The following SORL1 variants were observed in gnomAD, a reference collection of about 807,000 sequenced individuals.
SORL1 encodes the protein sortilin-related receptor.
In SORL1, 127 loss-of-function variants were observed where a neutral mutation model predicts 273.7. The observed-to-expected ratio is 0.46, with a 90% confidence interval of 0.40 to 0.54. The LOEUF (loss-of-function observed/expected upper bound fraction) is 0.54, where lower values mean the gene tolerates loss of function less well. Ranked by LOEUF, SORL1 falls within the 20% of genes least tolerant of loss-of-function variation. The pLI is 0.00. For synonymous variants in SORL1, 1,031 were observed against 1,067.4 expected, an observed-to-expected ratio of 0.97 and a Z score of 0.66; for missense variants, 2,494 against 2,846.1, an observed-to-expected ratio of 0.88 and a Z score of 2.81.
At chr11:121,453,181 C>T (rs1860837856) in intron 1 of SORL1, among the ~76,000 whole-genome samples, 1 of 152,112 alleles carries the variant, frequency 6.6e-6, no homozygotes, top group Non-Finnish European at 1.5e-5. Context: ...AGATGCTCTC[C>T]ATTCCTTCTT....
intron 1 of SORL1, among the ~76,000 whole-genome samples, chr11:121,453,499 T>C (rs953227810): frequency 6.6e-6 from 1 of 151,886 alleles, no homozygotes; most frequent in African/African-American, 2.4e-5. Flanking sequence ...CAGTTAAGAT[T>C]GACATCAGCA....
intron 26 of SORL1, among the ~76,000 whole-genome samples, chr11:121,586,010 T>C (rs951367606): frequency 2.0e-5 from 3 of 152,238 alleles, no homozygotes; most frequent in Non-Finnish European, 2.9e-5. Flanking sequence ...TGTAAACTTT[T>C]ATTTACATTA....
In SORL1 at chr11:121,452,633, C is replaced by T; in HGVS notation, c.285+17C>T. On this transcript the variant is annotated intron_variant, in intron 1 of 47. Coordinates refer to ENST00000260197, the MANE Select transcript of SORL1 (RefSeq NM_003105.6). This position sits in a 1 kb window ranked among gnomAD's most constrained non-coding sequence, Gnocchi z 5.3. ...TACGGACAGGTGAGCAGTTTTGCAA[C>T]CCGCCTCCCTCCAGTTTTTTCCTCT... is the stretch of plus-strand genomic sequence containing the variant. 6.9e-7 allele frequency: 1 copy of T among 1,446,040 alleles called. No individual in the cohort carries two copies. Among genetic ancestry groups the T allele is most frequent in the Non-Finnish European group, 9.1e-7 (1 of 1,102,910 alleles). The allele number at this position is 1,446,040 out of a possible 1,614,324, so 89.6% of individuals were successfully genotyped here.
At chr11:121,619,501 G>A (rs954000563) in intron 42 of SORL1, among the ~76,000 whole-genome samples, 1 of 152,172 alleles carries the variant, frequency 6.6e-6, no homozygotes, top group African/African-American at 2.4e-5. Context: ...GCATATATGT[G>A]TAAGGATACA....
chr11:121,594,072 C>A (rs1190575672), intron 31 of SORL1, among the ~76,000 whole-genome samples: 1 of 150,822 alleles, frequency 6.6e-6, no homozygotes, highest in Non-Finnish European at 1.5e-5. Flanking sequence ...GTTCCACTGC[C>A]TTCAAGCAGC....
chr11:121,559,337 GGGGT>G (rs1469767268), intron 20 of SORL1, among the ~76,000 whole-genome samples, 178 bp from the exon 21 acceptor site: 3 of 152,134 alleles, frequency 2.0e-5, no homozygotes, highest in Admixed American at 1.3e-4. Context: ...TTTCTTCTGT[GGGGT>G]TATATGGTGA....
intron 45 of SORL1, among the ~76,000 whole-genome samples, chr11:121,624,868 T>G (rs1205820090): frequency 1.3e-5 from 2 of 151,510 alleles, no homozygotes; most frequent in East Asian, 1.9e-4. Context: ...TGTGGGGGGG[T>G]GGTGTGGCAG....
At chr11:121,598,617 T>G (rs906962395) in intron 32 of SORL1, among the ~76,000 whole-genome samples, 6 of 152,236 alleles carry the variant, frequency 3.9e-5, no homozygotes. Context: ...CCTGTTGCAA[T>G]GAGTCTTTGC....
intron 6 of SORL1, among the ~76,000 whole-genome samples, chr11:121,502,121 A>ATTTTTT (rs1242828050): frequency 1.2e-4 from 10 of 82,372 alleles, no homozygotes; most frequent in Non-Finnish European, 2.4e-4. Context: ...TCATGTGACA[A>ATTTTTT]TTCTTTTTTT....
intron 22 of SORL1, among the ~76,000 whole-genome samples, chr11:121,567,916 A>C (rs1303478811): frequency 6.7e-6 from 1 of 149,854 alleles, no homozygotes; most frequent in East Asian, 1.9e-4. Context: ...TTTTAAAGAG[A>C]CAAGAAAGAG....
intron 25 of SORL1, among the ~76,000 whole-genome samples, chr11:121,580,199 T>G (rs532601302): frequency 6.6e-6 from 1 of 152,374 alleles, no homozygotes; most frequent in East Asian, 1.9e-4. Flanking sequence ...AAGTTACAGC[T>G]ACTAACTCTT....
intron 11 of SORL1, among the ~76,000 whole-genome samples, chr11:121,531,720 G>A (rs1432109629): frequency 1.3e-5 from 2 of 152,170 alleles, no homozygotes; most frequent in Non-Finnish European, 2.9e-5. Flanking sequence ...TTTCATGCAC[G>A]TACACTTCAG....
chr11:121,628,534 C>A (rs1030847140), intron 47 of SORL1, among the ~76,000 whole-genome samples: 6 of 152,220 alleles, frequency 3.9e-5, no homozygotes, highest in African/African-American at 1.2e-4. Context: ...GTGCGGCCCC[C>A]CATTCCTAAC....
intron 6 of SORL1, among the ~76,000 whole-genome samples, chr11:121,507,344 A>C (rs1039851264): frequency 6.6e-6 from 1 of 152,032 alleles, no homozygotes; most frequent in African/African-American, 2.4e-5. Flanking sequence ...TTGGGTCATT[A>C]TTTCTTCAAA....
At chr11:121,568,223 G>A (rs760956379) in intron 22 of SORL1, among the ~76,000 whole-genome samples, 7 of 152,138 alleles carry the variant, frequency 4.6e-5, no homozygotes, top group Non-Finnish European at 8.8e-5. Flanking sequence ...TTCTCACAGC[G>A]GCCCAAGTCC....
intron 32 of SORL1, among the ~76,000 whole-genome samples, chr11:121,601,646 T>C (rs1863393857): frequency 1.3e-5 from 2 of 151,202 alleles, no homozygotes; most frequent in South Asian, 4.2e-4. Context: ...CTCAGACTCC[T>C]GGACTCAAGC....
intron 24 of SORL1, among the ~76,000 whole-genome samples, chr11:121,576,580 T>C (rs1258065415): frequency 6.6e-6 from 1 of 152,216 alleles, no homozygotes; most frequent in Non-Finnish European, 1.5e-5. Flanking sequence ...GAGAAATAAA[T>C]TGCTATTGTT....
chr11:121,570,414 A>T (rs1488506060), intron 23 of SORL1, 144 bp downstream of exon 23: 5 of 537,382 alleles, frequency 9.3e-6, no homozygotes, highest in Non-Finnish European at 1.7e-5. Flanking sequence ...TAGATGACAG[A>T]GAAAACATAT....
At chr11:121,605,300 G>A (rs1863452397) in intron 34 of SORL1, 61 bp downstream of exon 34, 2 of 1,585,614 alleles carry the variant, frequency 1.3e-6, no homozygotes, top group East Asian at 4.5e-5. Context: ...AGGATGTTCT[G>A]TAAACTCTCT....
Sources: gnomAD v4.1 joint callset for allele counts (sites outside exome capture counted in the v4.1 genomes callset) on GRCh38, gnomAD v4.1.1 for gene constraint, Gnocchi (gnomAD v3.1) non-coding constraint, MANE v1.5 for transcripts, NCBI Gene and HGNC (gene_info 2026-07-23, HGNC 2026-07-21) for gene names.